The following PCSK6 variants were observed in gnomAD, a reference collection of about 807,000 sequenced individuals.
PCSK6 encodes the protein proprotein convertase subtilisin/kexin type 6, also known as paired basic amino acid cleaving enzyme 4.
Under a neutral mutation model 123.3 loss-of-function variants are expected in PCSK6, and 85 were observed. The ratio of observed to expected loss-of-function variants is 0.69; its 90% CI spans 0.58 to 0.83. PCSK6 has a LOEUF of 0.83. Among genes scored for constraint, PCSK6 ranks in the 40% least tolerant of loss-of-function variants. The pLI, the probability that PCSK6 is intolerant of heterozygous loss-of-function variation, is 0.00. For synonymous variants in PCSK6, 508 were observed against 516.0 expected, an observed-to-expected ratio of 0.98 and a Z score of 0.21; for missense variants, 1,191 against 1,282.3, an observed-to-expected ratio of 0.93 and a Z score of 1.09.
intron 13 of PCSK6, among the ~76,000 whole-genome samples, chr15:101,362,135 G>T (rs562618027): frequency 5.7e-4 from 86 of 151,964 alleles, no homozygotes; most frequent in African/African-American, 1.8e-3. Context: ...TTTTTGTATT[G>T]TTAGTAGAGA....
intron 17 of PCSK6, among the ~76,000 whole-genome samples, chr15:101,324,050 G>A (rs2141357435): frequency 6.6e-6 from 1 of 152,304 alleles, no homozygotes. Flanking sequence ...CTCCTGTCCA[G>A]CCCCCACCCT....
At position 101,398,590 on chromosome 15, in the gene PCSK6, G is replaced by A. The variant is rs765137332; in HGVS notation, c.824-14C>T. The stretch of plus-strand genomic sequence containing the variant: ...GCATGCGGATGCCTGAAAGCACAGA[G>A]GAGGCTCGGTGTCGGCGCCCAGGCT... On this transcript the variant is annotated splice_polypyrimidine_tract_variant and intron_variant, in intron 6 of 21. Coordinates refer to ENST00000611716, the MANE Select transcript of PCSK6 (RefSeq NM_002570.5). The surrounding 1 kb of genome is among the most constrained non-coding windows in gnomAD (Gnocchi z 4.6). The A allele has an allele frequency of 1.1e-5, 18 of 1,601,634 alleles. No individual in the cohort carries two copies. The highest frequency in any genetic ancestry group is 1.5e-5 in the Non-Finnish European group (17 of 1,172,372).
At chr15:101,361,617 A>C (rs2041224578) in intron 13 of PCSK6, among the ~76,000 whole-genome samples, 1 of 152,204 alleles carries the variant, frequency 6.6e-6, no homozygotes. Flanking sequence ...AGGCGCAGGA[A>C]ATGATTCACG....
chr15:101,321,089 G>A (rs1286097837), intron 18 of PCSK6, among the ~76,000 whole-genome samples: 2 of 152,156 alleles, frequency 1.3e-5, no homozygotes, highest in Non-Finnish European at 2.9e-5. Context: ...TCTTCCTGAT[G>A]CCCCCAGCTA....
At position 101,369,361 on chromosome 15, in the gene PCSK6, CCT is replaced by C. The variant is rs140131360; in HGVS notation, c.1721+972_1721+973del. On this transcript the variant is annotated intron_variant, in intron 12 of 21. Transcript: ENST00000611716. The stretch of plus-strand genomic sequence containing the variant: ...TTCCATCTGAGAGCCTTCGCTAGCC[CCT>C]GTTTCTGAATCTCTGCAGCTCCCTA... 6.3e-3 allele frequency among the ~76,000 whole-genome samples: 963 copies of C among 152,340 alleles called. 7 individuals are homozygous for C. Among genetic ancestry groups the C allele is most frequent in the Non-Finnish European group, 9.0e-3 (609 of 68,028 alleles).
chr15:101,398,069 G>A lies in PCSK6; in HGVS notation c.996+335C>T, dbSNP rs2042468659. On this transcript the variant is annotated intron_variant, in intron 7 of 21. Transcript: ENST00000611716. This position sits in a 1 kb window ranked among gnomAD's most constrained non-coding sequence, Gnocchi z 4.6. ...CCTGCAGAGTCCAAGTAACAGGCCA[G>A]GTGAGCTGCCTTAGACCCCCGTCAC... 6.6e-6 allele frequency among the ~76,000 whole-genome samples: 1 copy of A among 152,186 alleles called. No homozygotes were observed. Among genetic ancestry groups the A allele is most frequent in the African/African-American group, 2.4e-5 (1 of 41,456 alleles).
intron 13 of PCSK6, among the ~76,000 whole-genome samples, chr15:101,351,469 T>C (rs2040888677): frequency 6.6e-6 from 1 of 152,204 alleles, no homozygotes; most frequent in Non-Finnish European, 1.5e-5. Context: ...TATTACCCAA[T>C]ATTTACGCTG....
intron 2 of PCSK6, among the ~76,000 whole-genome samples, chr15:101,436,754 T>C (rs1326860513): frequency 6.6e-6 from 1 of 152,210 alleles, no homozygotes; most frequent in Non-Finnish European, 1.5e-5. Flanking sequence ...CAACAGTCTG[T>C]GGCGCTTAGA....
chr15:101,456,526 GC>G (rs1479299237), intron 1 of PCSK6, among the ~76,000 whole-genome samples: 1 of 152,192 alleles, frequency 6.6e-6, no homozygotes, highest in Non-Finnish European at 1.5e-5. Context: ...ACCCAGAAGG[GC>G]CCACATGGGC....
rs376147035 is a variant in PCSK6, at chr15:101,389,484, G to A, written c.1290C>T (p.Ile430=). The A allele has an allele frequency of 3.9e-5, 63 of 1,613,128 alleles. No individual in the cohort carries two copies. In the African/African-American group the frequency reaches 4.9e-4, roughly 13 times the overall value. Residue 430 remains isoleucine, a synonymous_variant, in exon 9 of 22, where the codon ATC becomes ATT. Coordinates refer to ENST00000611716, the MANE Select transcript of PCSK6 (RefSeq NM_002570.5). ...CTTACTTTGCTTCTAGAGCCAAGGC[G>A]ATGATGCCCGCCACCATGGGGGCAG... ...SVSAPMVAGI[I]ALALEANSQL... is the part of the protein sequence containing the mutation.
chr15:101,472,292 G>A (rs2057626156), intron 1 of PCSK6, among the ~76,000 whole-genome samples: 1 of 152,238 alleles, frequency 6.6e-6, no homozygotes, highest in Non-Finnish European at 1.5e-5. Flanking sequence ...CGTTAACACA[G>A]CTCCCTGAAG....
chr15:101,468,108 G>C (rs1299900895), intron 1 of PCSK6, among the ~76,000 whole-genome samples: 1 of 152,172 alleles, frequency 6.6e-6, no homozygotes, highest in Non-Finnish European at 1.5e-5. Context: ...GTCAGCTCTG[G>C]CTCTGCCATT....
At position 101,398,450 on chromosome 15, in the gene PCSK6, C is replaced by T; in HGVS notation, c.950G>A (p.Gly317Glu). The T allele has an allele frequency of 6.2e-7, 1 of 1,613,710 alleles. No individual in the cohort carries two copies. The highest frequency in any genetic ancestry group is 1.1e-5 in the South Asian group (1 of 91,040). ...AGCCTGCTTAGCCAGTCGGCCGGGC[C>T]CGTCCACCGTCTTGCCGTCGTCGTC... is the stretch of plus-strand genomic sequence containing the variant. Reference protein sequence around the residue: ...GPDDDGKTVDGPGRLAKQAFE... With the variant: ...GPDDDGKTVDEPGRLAKQAFE... Residue 317 changes from glycine (G) to glutamate (E), a missense_variant, in exon 7 of 22, where the codon GGG (glycine) becomes GAG (glutamate). Gly to Glu is a moderately conservative substitution (Grantham distance 98). Transcript: ENST00000611716. The surrounding 1 kb of genome is among the most constrained non-coding windows in gnomAD (Gnocchi z 4.6).
Position 101,398,390 on chromosome 15 carries a change from C to G in PCSK6, c.996+14G>C, listed in dbSNP as rs775382257. ...TGTCCCAGAGCGCTCCCCTGTAGCC[C>G]TGGTTACTCACACCTTTTTAATGCC... is the stretch of plus-strand genomic sequence containing the variant. On this transcript the variant is annotated intron_variant, in intron 7 of 21. Transcript: ENST00000611716. The surrounding 1 kb of genome is among the most constrained non-coding windows in gnomAD (Gnocchi z 4.6). 8 of 1,601,006 alleles carry G rather than the reference C, an allele frequency of 5.0e-6. No homozygotes were observed. Among genetic ancestry groups the G allele is most frequent in the South Asian group, 1.1e-5 (1 of 89,970 alleles).
At chr15:101,389,805 C>T (rs886903993) in intron 8 of PCSK6, among the ~76,000 whole-genome samples, 4 of 152,156 alleles carry the variant, frequency 2.6e-5, no homozygotes, top group South Asian at 2.1e-4. Flanking sequence ...GAGCACAGAC[C>T]GTACGCTTTG....
intron 13 of PCSK6, among the ~76,000 whole-genome samples, chr15:101,357,950 G>A (rs1013318882): frequency 6.6e-6 from 1 of 152,116 alleles, no homozygotes; most frequent in African/African-American, 2.4e-5. Flanking sequence ...TCCTTATGTC[G>A]GCCTGGCCAG....
intron 5 of PCSK6, 43 bp downstream of exon 5, chr15:101,429,944 G>A (rs1321086762): frequency 6.7e-7 from 1 of 1,488,948 alleles, no homozygotes. Flanking sequence ...TGACGCTGCA[G>A]GGAGGGGAAG....
chr15:101,377,157 T>C (rs2041771055), intron 11 of PCSK6, among the ~76,000 whole-genome samples: 1 of 152,242 alleles, frequency 6.6e-6, no homozygotes, highest in African/African-American at 2.4e-5. Context: ...CCTCACCAGC[T>C]TGCCCAGCTG....
At chr15:101,393,118 A>G in intron 8 of PCSK6, 94 bp downstream of exon 8, 1 of 1,063,918 alleles carries the variant, frequency 9.4e-7, no homozygotes, top group East Asian at 2.6e-5. Flanking sequence ...TCTGGCCTCA[A>G]TCTAAGCCAT....
Sources: allele counts gnomAD v4.1 joint callset (sites outside exome capture counted in the v4.1 genomes callset), GRCh38; gene constraint gnomAD v4.1.1; non-coding constraint Gnocchi (gnomAD v3.1); transcripts MANE v1.5; gene names NCBI Gene and HGNC (gene_info 2026-07-23, HGNC 2026-07-21).